AKAP6: variants seen among roughly 807,000 people sequenced by gnomAD.
AKAP6 encodes the protein A-kinase anchoring protein 6, also known as A-kinase anchor protein 6.
AKAP6 carries 58 observed loss-of-function variants against 188.5 expected under a neutral mutation model. That is an observed-to-expected ratio of 0.31 (90% confidence interval 0.25 to 0.38). The LOEUF (loss-of-function observed/expected upper bound fraction) is 0.38. Ranked by LOEUF, AKAP6 falls within the 10% of genes least tolerant of loss-of-function variation. AKAP6 has a pLI of 1.00. For synonymous variants in AKAP6, 989 were observed against 998.6 expected, an observed-to-expected ratio of 0.99 and a Z score of 0.18; for missense variants, 2,710 against 2,740.0, an observed-to-expected ratio of 0.99 and a Z score of 0.24.
At chr14:32,531,457 G>T (rs147284167) in intron 2 of AKAP6, among the ~76,000 whole-genome samples, 1 of 152,200 alleles carries the variant, frequency 6.6e-6, no homozygotes, top group African/African-American at 2.4e-5. Context: ...TGAATTTTAT[G>T]TGTATTTTAC....
At chr14:32,691,132 A>G (rs1200843327) in intron 8 of AKAP6, among the ~76,000 whole-genome samples, 3 of 152,134 alleles carry the variant, frequency 2.0e-5, no homozygotes, top group Non-Finnish European at 4.4e-5. Flanking sequence ...TAGTTCTTAT[A>G]TTTGTATTCC....
intron 1 of AKAP6, among the ~76,000 whole-genome samples, chr14:32,394,259 A>T (rs1888801862): frequency 6.6e-6 from 1 of 152,188 alleles, no homozygotes. Context: ...TTGATTGAAC[A>T]TCCATGATGT....
intron 1 of AKAP6, among the ~76,000 whole-genome samples, chr14:32,410,150 C>CCAA (rs1566488243): frequency 6.6e-6 from 1 of 151,142 alleles, no homozygotes; most frequent in Non-Finnish European, 1.5e-5. Flanking sequence ...CCCTTCCCCT[C>CCAA]CTTTTTTTTT....
Position 32,749,333 on chromosome 14 carries a change from A to G in AKAP6, c.3372+13451A>G, listed in dbSNP as rs534451028. ...TTTAATTTCTTTAAACAGCACTTTCAGCTTGGCACAAAATTTTAAGTAGAT... is the reference window on the plus strand; with the variant it reads ...TTTAATTTCTTTAAACAGCACTTTCGGCTTGGCACAAAATTTTAAGTAGAT... On this transcript the variant is annotated intron_variant, in intron 11 of 13. Transcript: ENST00000280979. Among the ~76,000 whole-genome samples, 6 of 152,318 alleles carry G rather than the reference A, an allele frequency of 3.9e-5. No individual in the cohort carries two copies. In the East Asian group the frequency reaches 9.6e-4, roughly 24 times the overall value.
chr14:32,823,509 T>C lies in AKAP6; in HGVS notation c.5696T>C (p.Ile1899Thr), dbSNP rs1332273075. The C allele has an allele frequency of 1.2e-6, 2 of 1,613,796 alleles. No individual in the cohort carries two copies. Among genetic ancestry groups the C allele is most frequent in the Admixed American group, 3.3e-5 (2 of 59,926 alleles). ...PYVADMENGN[I>T]EGIPERQKGK... ...GTGGCTGACATGGAAAATGGCAATA[T>C]TGAAGGTATTCCAGAAAGGCAAAAG... The change falls in exon 13 of 14, where the codon ATT becomes ACT. Residue 1899 changes from isoleucine (I) to threonine (T), a missense_variant. Around this residue, in one of 2 missense-constraint regions of AKAP6, gnomAD observed 2,473 missense variants for 2,426.1 expected, o/e 1.02. Coordinates refer to ENST00000280979, the MANE Select transcript of AKAP6 (RefSeq NM_004274.5).
At chr14:32,685,327 G>A (rs1889863573) in intron 8 of AKAP6, among the ~76,000 whole-genome samples, 1 of 152,090 alleles carries the variant, frequency 6.6e-6, no homozygotes, top group South Asian at 2.1e-4. Context: ...TGGGAATACT[G>A]AGAAGGGCTA....
intron 2 of AKAP6, among the ~76,000 whole-genome samples, chr14:32,456,680 A>G (rs1014865393): frequency 3.3e-5 from 5 of 152,312 alleles, no homozygotes; most frequent in African/African-American, 1.2e-4. Context: ...AGGTACCTTA[A>G]ATTATCATGT....
chr14:32,436,033 A>G (rs531449805), intron 2 of AKAP6, among the ~76,000 whole-genome samples: 4 of 152,194 alleles, frequency 2.6e-5, no homozygotes, highest in African/African-American at 9.6e-5. Flanking sequence ...ACAGAGTTTT[A>G]TATGTGGAAA....
chr14:32,712,319 G>T (rs2029923652), intron 9 of AKAP6, among the ~76,000 whole-genome samples: 1 of 151,982 alleles, frequency 6.6e-6, no homozygotes, highest in African/African-American at 2.4e-5. Context: ...TCTTTTTGCT[G>T]GTGAAGGTCT....
intron 9 of AKAP6, among the ~76,000 whole-genome samples, chr14:32,707,201 T>A (rs1441452792): frequency 6.6e-6 from 1 of 152,144 alleles, no homozygotes; most frequent in Non-Finnish European, 1.5e-5. Flanking sequence ...AAAAAATCTT[T>A]CACCAAGATT....
intron 12 of AKAP6, among the ~76,000 whole-genome samples, chr14:32,800,869 T>G (rs1309465799): frequency 1.3e-5 from 2 of 151,948 alleles, no homozygotes; most frequent in East Asian, 3.9e-4. Flanking sequence ...ATACAAAAAT[T>G]AGCTGGGCAT....
chr14:32,426,179 C>T (rs535404070), intron 1 of AKAP6, among the ~76,000 whole-genome samples: 7 of 152,208 alleles, frequency 4.6e-5, no homozygotes, highest in African/African-American at 1.7e-4. Context: ...TTCCTTTACT[C>T]AGGATTAATG....
At position 32,540,192 on chromosome 14, in the gene AKAP6, A is replaced by ATATATTTTTT. The variant is rs1406480125; in HGVS notation, c.576+4388_576+4389insATATTTTTTT. 1.9e-3 allele frequency among the ~76,000 whole-genome samples: 231 copies of ATATATTTTTT among 123,328 alleles called. 1 individual carries two copies. The highest frequency in any genetic ancestry group is 3.1e-3 in the Non-Finnish European group (182 of 58,966). 80.9% of individuals were successfully genotyped at this position (123,328 alleles called of 152,430 possible). On this transcript the variant is annotated intron_variant, in intron 3 of 13. Transcript: ENST00000280979. ...TCTATATATATATATATATATATAT[A>ATATATTTTTT]TTTTAATTTTTTATTTTTTTTTTTG...
rs548579633 is a variant in AKAP6, at chr14:32,539,924, C to G, written c.576+4119C>G. On this transcript the variant is annotated intron_variant, in intron 3 of 13. Coordinates refer to ENST00000280979, the MANE Select transcript of AKAP6 (RefSeq NM_004274.5). The stretch of plus-strand genomic sequence containing the variant: ...CCTCTTACTAGAATGCCACAGCCCC[C>G]ACAGGTCTGAGGACTCATGATCTCC... 5.3e-5 allele frequency among the ~76,000 whole-genome samples: 8 copies of G among 151,998 alleles called. No homozygotes were observed. In the East Asian group the frequency reaches 1.2e-3, roughly 22 times the overall value.
chr14:32,455,703 T>C (rs899290720), intron 2 of AKAP6, among the ~76,000 whole-genome samples: 1 of 152,244 alleles, frequency 6.6e-6, no homozygotes, highest in Non-Finnish European at 1.5e-5. Context: ...TTTGTGATGT[T>C]GTTGCTAGGG....
At chr14:32,622,481 T>C (rs890319747) in intron 7 of AKAP6, among the ~76,000 whole-genome samples, 14 of 151,898 alleles carry the variant, frequency 9.2e-5, no homozygotes, top group Non-Finnish European at 1.9e-4. Context: ...CCATAAGCCA[T>C]AAGAAAAATA....
chr14:32,549,964 G>T lies in AKAP6; in HGVS notation c.2346+2965G>T, dbSNP rs571208967. Among the ~76,000 whole-genome samples, 73 of 152,338 alleles carry T rather than the reference G, an allele frequency of 4.8e-4. 1 individual carries two copies. The highest frequency in any genetic ancestry group is 1.0e-3 in the South Asian group (5 of 4,828). On this transcript the variant is annotated intron_variant, in intron 4 of 13. Transcript: ENST00000280979. ...AGCCAACCTGAGGAACTGCTGTGAT[G>T]TGGATCAGGCAAGAGGAAGGGAGGG...
chr14:32,547,564 G>A (rs1329542992), intron 4 of AKAP6, among the ~76,000 whole-genome samples: 1 of 152,176 alleles, frequency 6.6e-6, no homozygotes, highest in Non-Finnish European at 1.5e-5. Context: ...ACTCTGGGAT[G>A]TGAAGTTGAC....
intron 12 of AKAP6, among the ~76,000 whole-genome samples, chr14:32,808,939 T>G (rs950671535): frequency 6.6e-6 from 1 of 152,224 alleles, no homozygotes; most frequent in Non-Finnish European, 1.5e-5. Context: ...CAGGGAGCAC[T>G]AATGCTCTAG....
Sources: gnomAD v4.1 joint callset for allele counts (sites outside exome capture counted in the v4.1 genomes callset) on GRCh38, gnomAD v4.1.1 for gene constraint, gnomAD v4.1.1 regional missense constraint, MANE v1.5 for transcripts, NCBI Gene and HGNC (gene_info 2026-07-23, HGNC 2026-07-21) for gene names.